Variants in MICU2 observed in about 807,000 individuals in gnomAD.
MICU2 encodes mitochondrial calcium uptake 2, also known as calcium uptake protein 2, mitochondrial.
A neutral mutation model predicts 60.4 loss-of-function variants in MICU2; 64 were observed. That is an observed-to-expected ratio of 1.06 (90% CI 0.87 to 1.31). MICU2 has a LOEUF of 1.31. MICU2 is among the 50% of genes most tolerant of loss of function. The pLI, the probability that MICU2 is intolerant of heterozygous loss-of-function variation, is 0.00. For missense variants in MICU2, 569 were observed against 531.0 expected (o/e 1.07, Z -0.70); for synonymous variants, 201 against 175.0 (o/e 1.15, Z -1.17).
chr13:21,571,397 T>A (rs564413612), intron 1 of MICU2, among the ~76,000 whole-genome samples: 116 of 152,132 alleles, frequency 7.6e-4, no homozygotes, highest in South Asian at 2.1e-3. Context: ...AATTAAAATT[T>A]TAAAAAAAAT....
At chr13:21,575,729 C>CAAAAAAAAAAA (rs10557584) in intron 1 of MICU2, among the ~76,000 whole-genome samples, 1 of 48,058 alleles carries the variant, frequency 2.1e-5, no homozygotes, top group Non-Finnish European at 3.5e-5. Context: ...GACTCTGTCT[C>CAAAAAAAAAAA]AAAAAAAAAA....
chr13:21,592,705 T>G (rs1888609844), intron 1 of MICU2, among the ~76,000 whole-genome samples: 1 of 152,140 alleles, frequency 6.6e-6, no homozygotes, highest in Admixed American at 6.6e-5. Context: ...GCAAGGGTGG[T>G]TCAACATACG....
intron 4 of MICU2, among the ~76,000 whole-genome samples, chr13:21,529,155 A>G (rs12869776): frequency 0.32 from 49,195 of 152,074 alleles, 9,129 homozygotes; most frequent in Non-Finnish European, 0.41. Context: ...GATGAATTCG[A>G]TAAATACTTA....
intron 5 of MICU2, among the ~76,000 whole-genome samples, chr13:21,521,700 CA>C (rs1785401091): frequency 6.6e-6 from 1 of 152,158 alleles, no homozygotes; most frequent in Non-Finnish European, 1.5e-5. Context: ...AGTACTTAAA[CA>C]ACAACAACGT....
At chr13:21,603,689 T>C (rs1888879845) in intron 1 of MICU2, 3 of 550,136 alleles carry the variant, frequency 5.5e-6, no homozygotes. Flanking sequence ...GGCCGTGGTG[T>C]TCAGCGTCCG....
chr13:21,561,052 C>G (rs778182494), intron 2 of MICU2, among the ~76,000 whole-genome samples: 5 of 152,082 alleles, frequency 3.3e-5, no homozygotes, highest in African/African-American at 7.2e-5. Flanking sequence ...TTATTTGACC[C>G]ATGTGTTATT....
At chr13:21,547,239 G>A (rs968452475) in intron 2 of MICU2, among the ~76,000 whole-genome samples, 1 of 152,178 alleles carries the variant, frequency 6.6e-6, no homozygotes, top group African/African-American at 2.4e-5. Flanking sequence ...CTTTTGATGG[G>A]GAGTGATAAG....
intron 4 of MICU2, among the ~76,000 whole-genome samples, chr13:21,526,626 C>T (rs866131544): frequency 2.0e-5 from 3 of 151,782 alleles, no homozygotes; most frequent in South Asian, 2.1e-4. Flanking sequence ...CAGGCATTTA[C>T]GGAGTTTAGA....
At chr13:21,543,178 C>G (rs1887324825) in intron 2 of MICU2, among the ~76,000 whole-genome samples, 1 of 152,156 alleles carries the variant, frequency 6.6e-6, no homozygotes, top group African/African-American at 2.4e-5. Flanking sequence ...ATTAGCAAAA[C>G]TAACCTTCTT....
At chr13:21,571,042 C>T (rs901733540) in intron 1 of MICU2, among the ~76,000 whole-genome samples, 5 of 152,102 alleles carry the variant, frequency 3.3e-5, no homozygotes, top group Non-Finnish European at 5.9e-5. Context: ...TTCCTGGTAA[C>T]GTGTGCGTGC....
At chr13:21,567,619 T>C (rs183089905) in intron 1 of MICU2, among the ~76,000 whole-genome samples, 4 of 152,332 alleles carry the variant, frequency 2.6e-5, no homozygotes, top group African/African-American at 7.2e-5. Flanking sequence ...TATTGCAGAA[T>C]ATATAGGAAT....
At chr13:21,544,688 T>C (rs1054681257) in intron 2 of MICU2, among the ~76,000 whole-genome samples, 1 of 152,324 alleles carries the variant, frequency 6.6e-6, no homozygotes, top group Admixed American at 6.5e-5. Flanking sequence ...GGTCTTGCTC[T>C]GTTGCCCAGG....
At chr13:21,523,701 G>C (rs962188161) in intron 4 of MICU2, among the ~76,000 whole-genome samples, 1 of 152,172 alleles carries the variant, frequency 6.6e-6, no homozygotes, top group East Asian at 1.9e-4. Context: ...CTAATAAGGA[G>C]GTTGCACTAG....
At chr13:21,588,870 A>C (rs1888513559) in intron 1 of MICU2, among the ~76,000 whole-genome samples, 1 of 152,236 alleles carries the variant, frequency 6.6e-6, no homozygotes, top group South Asian at 2.1e-4. Flanking sequence ...TTTAAAGCCC[A>C]AAATCAAATA....
intron 2 of MICU2, among the ~76,000 whole-genome samples, chr13:21,556,730 T>C (rs1303448533): frequency 6.6e-6 from 1 of 152,106 alleles, no homozygotes; most frequent in Admixed American, 6.5e-5. Flanking sequence ...AAGAACTCCC[T>C]AGCTTATGGC....
At chr13:21,517,810 C>T (rs1237875826) in intron 6 of MICU2, among the ~76,000 whole-genome samples, 4 of 151,370 alleles carry the variant, frequency 2.6e-5, no homozygotes, top group South Asian at 2.1e-4. Context: ...CGCGCGCGCG[C>T]GCGCACACGC....
chr13:21,503,261 G>C (rs1886223314), intron 8 of MICU2, among the ~76,000 whole-genome samples, 164 bp from the exon 9 acceptor site: 1 of 152,182 alleles, frequency 6.6e-6, no homozygotes, highest in South Asian at 2.1e-4. Context: ...GGGAGAGGAA[G>C]GATGCAGAGA....
In MICU2 at chr13:21,604,068, C is replaced by T; in HGVS notation, c.81G>A (p.Gln27=). Residue 27 remains glutamine, a synonymous_variant, in exon 1 of 12, where the codon CAG becomes CAA. Coordinates refer to ENST00000382374, the MANE Select transcript of MICU2 (RefSeq NM_152726.3). The part of the protein sequence containing the change: ...KLRRGLAVSR[Q]AVRSPGPLAA... ...CCAAGGGGCCGGGACTCCGCACAGC[C>T]TGTCGGCTGACAGCGAGCCCCCGTC... 6.2e-7 allele frequency: 1 copy of T among 1,602,418 alleles called. No homozygotes were observed. The highest frequency in any genetic ancestry group is 8.5e-7 in the Non-Finnish European group (1 of 1,175,804).
At chr13:21,578,336 C>T (rs961626442) in intron 1 of MICU2, among the ~76,000 whole-genome samples, 20 of 152,016 alleles carry the variant, frequency 1.3e-4, no homozygotes, top group Admixed American at 1.3e-3. Flanking sequence ...CCTTTAATCC[C>T]AGCACTTTGG....
Sources: gnomAD v4.1 joint callset for allele counts (sites outside exome capture counted in the v4.1 genomes callset) on GRCh38, gnomAD v4.1.1 for gene constraint, MANE v1.5 for transcripts, NCBI Gene and HGNC (gene_info 2026-07-23, HGNC 2026-07-21) for gene names.